Variants in ANK3 observed in about 807,000 individuals in gnomAD.
The protein encoded by ANK3 is ankyrin-3.
In ANK3, 57 loss-of-function variants were observed where a neutral mutation model predicts 370.9. That is an observed-to-expected ratio of 0.15 (90% CI 0.12 to 0.19). ANK3 has a LOEUF of 0.19. Among genes scored for constraint, ANK3 ranks in the 10% least tolerant of loss-of-function variants. ANK3 has a pLI of 1.00. For missense variants in ANK3, 4,439 were observed against 5,302.1 expected (o/e 0.84, Z 5.06); for synonymous variants, 1,929 against 1,946.3 (o/e 0.99, Z 0.23).
In ANK3 at chr10:60,074,703, C is replaced by T; in HGVS notation, c.6178G>A (p.Gly2060Ser). The change falls in exon 37 of 44, where the codon GGT becomes AGT. Residue 2060 changes from glycine to serine, a missense_variant. Gly to Ser is a moderately conservative substitution (Grantham distance 56). Coordinates refer to ENST00000280772, the MANE Select transcript of ANK3 (RefSeq NM_020987.5). ...KYKFEDAKKDGEERQKRVLKP... is the reference protein window; with the variant it reads ...KYKFEDAKKDSEERQKRVLKP... Reference sequence around the variant, plus strand: ...AAAACTCTTTTCTGTCTCTCCTCACCATCCTTCTTTGCATCCTCAAACTTG... The same window carrying T: ...AAAACTCTTTTCTGTCTCTCCTCACTATCCTTCTTTGCATCCTCAAACTTG... 6.2e-7 allele frequency: 1 copy of T among 1,613,576 alleles called. No individual in the cohort carries two copies. Among genetic ancestry groups the T allele is most frequent in the Non-Finnish European group, 8.5e-7 (1 of 1,179,932 alleles).
chr10:60,269,039 T>C (rs1459731), intron 5 of ANK3, among the ~76,000 whole-genome samples: 118,222 of 152,114 alleles, frequency 0.78, 46,065 homozygotes, highest in South Asian at 0.91. Context: ...TTTTCTGTGC[T>C]ATTCAGGAAG....
rs542355044 is a variant in ANK3 at position 60,485,174 on chromosome 10, T to C, written c.96+130012A>G. Among the ~76,000 whole-genome samples, 120 of 152,266 alleles carry C rather than the reference T, an allele frequency of 7.9e-4. 3 individuals are homozygous for C. The highest frequency in any genetic ancestry group is 2.8e-3 in the African/African-American group (117 of 41,564). On this transcript the variant is annotated intron_variant, in intron 2 of 43. Transcript: ENST00000373827. ...CGAGTCGGTTTCATCATCTGTACCA[T>C]GACTGGATTCTATTACATGCTACAC...
chr10:60,320,698 A>T, intron 1 of ANK3, among the ~76,000 whole-genome samples: 1 of 152,214 alleles, frequency 6.6e-6, no homozygotes, highest in South Asian at 2.1e-4. Context: ...CACACAGAGC[A>T]TGGCACCACC....
At chr10:60,176,191 A>ACC (rs1411780406) in intron 18 of ANK3, among the ~76,000 whole-genome samples, 18 of 123,272 alleles carry the variant, frequency 1.5e-4, no homozygotes, top group African/African-American at 5.3e-4. Context: ...AAAAAAAAAA[A>ACC]AAAACAAAAA....
At chr10:60,080,390 T>A in intron 36 of ANK3, 147 bp downstream of exon 36, 1 of 658,858 alleles carries the variant, frequency 1.5e-6, no homozygotes. Flanking sequence ...AGGCACAAAA[T>A]ATTACTTAGG....
intron 1 of ANK3, among the ~76,000 whole-genome samples, chr10:60,280,847 G>A (rs2098151587): frequency 6.6e-6 from 1 of 152,160 alleles, no homozygotes; most frequent in South Asian, 2.1e-4. Context: ...CCCCCCAGGT[G>A]GAGTTTAGTT....
At position 60,072,168 on chromosome 10, in the gene ANK3, G is replaced by C. The variant is rs757636476; in HGVS notation, c.8713C>G (p.Arg2905Gly). 2 of 1,613,704 alleles carry C rather than the reference G, an allele frequency of 1.2e-6. No homozygotes were observed. Among genetic ancestry groups the C allele is most frequent in the Admixed American group, 3.3e-5 (2 of 59,924 alleles). Residue 2905 changes from arginine to glycine, a missense_variant, in exon 37 of 44, where the codon CGC (arginine) becomes GGC (glycine). Coordinates refer to ENST00000280772, the MANE Select transcript of ANK3 (RefSeq NM_020987.5). ...AGAGAGCCGTTTGTTAACAATTTGC[G>C]TTCTCTCTCAGTCACAGACATAAAT... Reference protein sequence around the residue: ...NEFMSVTERERKLLTNGSLSE... With the variant: ...NEFMSVTEREGKLLTNGSLSE...
chr10:60,565,302 A>AGTTCACAATAT (rs1202470416), intron 2 of ANK3, among the ~76,000 whole-genome samples: 1 of 152,192 alleles, frequency 6.6e-6, no homozygotes, highest in Non-Finnish European at 1.5e-5. Context: ...GATCTCTTGC[A>AGTTCACAATAT]TGTGCAGTTC....
chr10:60,240,239 T>TAC (rs1488775115), intron 7 of ANK3, among the ~76,000 whole-genome samples: 2 of 144,324 alleles, frequency 1.4e-5, no homozygotes, highest in African/African-American at 5.1e-5. Flanking sequence ...CACATATATA[T>TAC]ACACACATAT....
At chr10:60,082,805 G>T in intron 33 of ANK3, 68 bp from the exon 34 acceptor site, 1 of 1,518,870 alleles carries the variant, frequency 6.6e-7, no homozygotes, top group Non-Finnish European at 8.9e-7. Flanking sequence ...CTGTATAAGA[G>T]TTAAGCATGG....
intron 42 of ANK3, chr10:60,053,663 TA>T (rs1282272839): frequency 7.7e-7 from 1 of 1,302,096 alleles, no homozygotes; most frequent in African/African-American, 1.5e-5. Context: ...AGGTGGAAAA[TA>T]GCAGAATTTT....
At chr10:60,142,717 C>A (rs2094622698) in intron 23 of ANK3, among the ~76,000 whole-genome samples, 1 of 151,700 alleles carries the variant, frequency 6.6e-6, no homozygotes, top group African/African-American at 2.4e-5. Flanking sequence ...ACACACTTGG[C>A]CAAAGATTAA....
At chr10:60,542,822 G>T (rs1306811556) in intron 2 of ANK3, among the ~76,000 whole-genome samples, 1 of 151,916 alleles carries the variant, frequency 6.6e-6, no homozygotes, top group East Asian at 1.9e-4. Flanking sequence ...ACTCGGCGCA[G>T]GTTGAGGTTT....
At chr10:60,115,472 C>T (rs926264314) in intron 25 of ANK3, among the ~76,000 whole-genome samples, 3 of 152,064 alleles carry the variant, frequency 2.0e-5, no homozygotes, top group African/African-American at 7.2e-5. Flanking sequence ...GAAATAAAAC[C>T]AAACCAAGCT....
chr10:60,660,911 T>TACACACACACAC (rs779739373), intron 1 of ANK3, among the ~76,000 whole-genome samples: 3,215 of 148,212 alleles, frequency 0.022, 47 homozygotes, highest in South Asian at 0.061. Flanking sequence ...GAGTTTTAAA[T>TACACACACACAC]ACACACTCAC....
At chr10:60,393,262 G>T (rs994190587), upstream of ANK3, among the ~76,000 whole-genome samples, 3 of 152,190 alleles carry the variant, frequency 2.0e-5, no homozygotes, top group Non-Finnish European at 2.9e-5. Context: ...GCTTTGGTGA[G>T]CACAATTTGA....
chr10:60,418,120 C>T (rs1352772279), intron 2 of ANK3, among the ~76,000 whole-genome samples: 4 of 152,158 alleles, frequency 2.6e-5, no homozygotes, highest in African/African-American at 9.7e-5. Context: ...CTGAGATGGA[C>T]TATTGCAGCA....
intron 29 of ANK3, among the ~76,000 whole-genome samples, chr10:60,087,889 C>T (rs1047067799): frequency 6.6e-6 from 1 of 152,228 alleles, no homozygotes; most frequent in East Asian, 1.9e-4. Flanking sequence ...AGACCAATAA[C>T]CTATGATTTA....
At chr10:60,108,421 G>T in intron 27 of ANK3, 1 of 255,800 alleles carries the variant, frequency 3.9e-6, no homozygotes, top group South Asian at 3.9e-5. Flanking sequence ...TTTCCTTTTT[G>T]TAAAATACCA....
Sources: allele counts gnomAD v4.1 joint callset (sites outside exome capture counted in the v4.1 genomes callset), GRCh38; gene constraint gnomAD v4.1.1; transcripts MANE v1.5; gene names NCBI Gene and HGNC (gene_info 2026-07-23, HGNC 2026-07-21).